The following DPF1 variants were observed in gnomAD, a reference collection of about 807,000 sequenced individuals.
DPF1 encodes the protein zinc finger protein neuro-d4.
A neutral mutation model predicts 58.7 loss-of-function variants in DPF1; 14 were observed. The observed-to-expected ratio is 0.24, with a 90% CI of 0.16 to 0.37. The LOEUF (loss-of-function observed/expected upper bound fraction) is 0.37, where lower values mean the gene tolerates loss of function less well. DPF1 is among the 10% of genes least tolerant of loss of function. The probability of loss-of-function intolerance (pLI) is 1.00; values close to 1 mark genes in which losing one functional copy is unlikely to be tolerated. For missense variants in DPF1, 345 were observed against 529.9 expected (o/e 0.65, Z 3.43); for synonymous variants, 216 against 216.0 (o/e 1.00, Z 0.00).
intron 9 of DPF1, chr19:38,214,106 T>G: frequency 4.7e-6 from 1 of 213,134 alleles, no homozygotes; most frequent in Non-Finnish European, 9.5e-6. Flanking sequence ...CACTTTCCAT[T>G]ACCCACAGCA....
intron 9 of DPF1, chr19:38,214,109 C>T (rs1469759532): frequency 4.6e-6 from 1 of 217,092 alleles, no homozygotes; most frequent in Non-Finnish European, 9.3e-6. Context: ...TTTCCATTAC[C>T]CACAGCAGAA....
At chr19:38,225,324 C>T (rs1182069448), upstream of DPF1, among the ~76,000 whole-genome samples, 1 of 151,894 alleles carries the variant, frequency 6.6e-6, no homozygotes, top group African/African-American at 2.4e-5. Flanking sequence ...CCCAGTACTT[C>T]GGGAGGCCTA....
At position 38,222,678 on chromosome 19, in the gene DPF1, G is replaced by T; in HGVS notation, c.60C>A (p.Ile20=). The change falls in exon 2 of 12, where the codon ATC becomes ATA. Residue 20 remains isoleucine, a synonymous_variant. Coordinates refer to ENST00000355526, the MANE Select transcript of DPF1 (RefSeq NM_001135155.3). This position sits in a 1 kb window ranked among gnomAD's most constrained non-coding sequence, Gnocchi z 4.9. ...SLGEDFYREA[I]EHCRSYNARL... ...GCGCGTTGTAACTGCGGCAGTGCTC[G>T]ATGGCCTCGCGGTAGAAGTCCTCGC... is the stretch of plus-strand genomic sequence containing the variant. 6.2e-7 allele frequency: 1 copy of T among 1,604,660 alleles called. No individual in the cohort carries two copies. The highest frequency in any genetic ancestry group is 8.5e-7 in the Non-Finnish European group (1 of 1,176,524).
At chr19:38,221,038 G>A (rs1411626581) in intron 3 of DPF1, among the ~76,000 whole-genome samples, 1 of 152,056 alleles carries the variant, frequency 6.6e-6, no homozygotes, top group Admixed American at 6.5e-5. Context: ...AGAGACGGCC[G>A]CACCGCCTAA....
intron 3 of DPF1, 75 bp from the exon 4 acceptor site, chr19:38,219,133 G>C: frequency 6.3e-7 from 1 of 1,577,734 alleles, no homozygotes; most frequent in Non-Finnish European, 8.6e-7. Context: ...CAGGTGGGGG[G>C]ACCATGCTCT....
Position 38,211,658 on chromosome 19 carries a change from G to A in DPF1, c.*405C>T, listed in dbSNP as rs1203686967. 6.4e-6 allele frequency: 1 copy of A among 156,282 alleles called. No individual in the cohort carries two copies. Among genetic ancestry groups the A allele is most frequent in the Non-Finnish European group, 1.4e-5 (1 of 71,010 alleles). The allele number at this position is 156,282 out of a possible 1,614,324, so 9.7% of individuals were successfully genotyped here. On this transcript the variant is annotated 3_prime_UTR_variant, in exon 12 of 12. Coordinates refer to ENST00000355526, the MANE Select transcript of DPF1 (RefSeq NM_001135155.3). This position sits in a 1 kb window ranked among gnomAD's most constrained non-coding sequence, Gnocchi z 4.0. ...CAGCAGCGCCCCTCCACCCAGCCAGGCCTTGGAGGACTCTTTGTATATATT... is the reference window on the plus strand; with the variant it reads ...CAGCAGCGCCCCTCCACCCAGCCAGACCTTGGAGGACTCTTTGTATATATT...
upstream of DPF1, among the ~76,000 whole-genome samples, chr19:38,225,387 C>G (rs1967773478): frequency 6.6e-6 from 1 of 152,082 alleles, no homozygotes; most frequent in Non-Finnish European, 1.5e-5. Context: ...GGCAACATAT[C>G]CAGACCCCTG....
intron 5 of DPF1, among the ~76,000 whole-genome samples, 182 bp from the exon 6 acceptor site, chr19:38,218,058 T>C (rs1827143885): frequency 6.6e-6 from 1 of 151,966 alleles, no homozygotes; most frequent in Non-Finnish European, 1.5e-5. Flanking sequence ...AAAAATTAGC[T>C]GGGCATGGTG....
In DPF1 at chr19:38,211,812, G is replaced by A. The variant is rs755632078; in HGVS notation, c.*251C>T. On this transcript the variant is annotated 3_prime_UTR_variant, in exon 12 of 12. Coordinates refer to ENST00000355526, the MANE Select transcript of DPF1 (RefSeq NM_001135155.3). The surrounding 1 kb of genome is among the most constrained non-coding windows in gnomAD (Gnocchi z 4.0). The stretch of plus-strand genomic sequence containing the variant: ...CCGCCCAGAGGCGGGGTATGGCTTT[G>A]AGGGGAGAAGCCCCTGGTGTCCATT... The A allele has an allele frequency of 9.1e-5, 50 of 549,054 alleles. No homozygotes were observed. Among genetic ancestry groups the A allele is most frequent in the East Asian group, 4.1e-4 (13 of 31,728 alleles). The allele number at this position is 549,054 out of a possible 1,614,324, so 34.0% of individuals were successfully genotyped here. A position where few individuals can be genotyped will look rare whatever the true frequency, so the allele number is the denominator to read the frequency against.
At position 38,222,872 on chromosome 19, in the gene DPF1, A is replaced by T. The variant is rs1967611492; in HGVS notation, c.30-164T>A. Reference sequence around the variant, plus strand: ...CCCACTCCGGGACCCAGGCTGGGGGAAGGGGACAGGGCCCAGGGGCCCCCA... The same window carrying T: ...CCCACTCCGGGACCCAGGCTGGGGGTAGGGGACAGGGCCCAGGGGCCCCCA... On this transcript the variant is annotated intron_variant, in intron 1 of 11. Transcript: ENST00000355526. This position sits in a 1 kb window ranked among gnomAD's most constrained non-coding sequence, Gnocchi z 4.9. 1 of 1,082,840 alleles carries T rather than the reference A, an allele frequency of 9.2e-7. No individual in the cohort carries two copies. The allele number at this position is 1,082,840 out of a possible 1,614,324, so 67.1% of individuals were successfully genotyped here.
intron 3 of DPF1, among the ~76,000 whole-genome samples, chr19:38,221,708 G>A (rs1004748168): frequency 6.6e-6 from 1 of 152,010 alleles, no homozygotes; most frequent in Non-Finnish European, 1.5e-5. Flanking sequence ...CCTGCACTTT[G>A]GAGGGCTGAG....
intron 3 of DPF1, among the ~76,000 whole-genome samples, chr19:38,220,264 G>A (rs1378763376): frequency 6.7e-6 from 1 of 148,772 alleles, no homozygotes; most frequent in Non-Finnish European, 1.5e-5. Flanking sequence ...AAGAAAGAAA[G>A]GAAGGAAGGA....
At chr19:38,227,327 C>T (rs1967873930), upstream of DPF1, among the ~76,000 whole-genome samples, 1 of 152,060 alleles carries the variant, frequency 6.6e-6, no homozygotes, top group Non-Finnish European at 1.5e-5. Context: ...ATCTGCCCAC[C>T]CTGCCCTCCC....
chr19:38,225,000 C>T (rs576900938), upstream of DPF1, among the ~76,000 whole-genome samples: 9 of 152,326 alleles, frequency 5.9e-5, no homozygotes, highest in East Asian at 1.5e-3. This position sits in a 1 kb window ranked among gnomAD's most constrained non-coding sequence, Gnocchi z 4.5. Flanking sequence ...CCTGTAATCC[C>T]GGCACTTTGG....
upstream of DPF1, among the ~76,000 whole-genome samples, chr19:38,226,313 C>T (rs1228753738): frequency 2.1e-5 from 3 of 145,146 alleles, no homozygotes; most frequent in Non-Finnish European, 4.5e-5. Context: ...TCCCCTCTTC[C>T]ACCCGGACCC....
intron 6 of DPF1, 32 bp from the exon 7 acceptor site, chr19:38,217,623 A>G: frequency 6.5e-7 from 1 of 1,535,226 alleles, no homozygotes; most frequent in Non-Finnish European, 8.8e-7. Context: ...AGGGCCTGTC[A>G]GCCCCTCCGG....
Position 38,222,957 on chromosome 19 carries a change from A to C in DPF1, c.30-249T>G. 2.0e-6 allele frequency: 1 copy of C among 504,080 alleles called. No individual in the cohort carries two copies. Among genetic ancestry groups the C allele is most frequent in the Non-Finnish European group, 3.5e-6 (1 of 289,574 alleles). The allele number at this position is 504,080 out of a possible 1,614,324, so 31.2% of individuals were successfully genotyped here. ...AGAAACACGATACAGAAACAAACAA[A>C]AACACACCGGGACGTATCCCTACCT... On this transcript the variant is annotated intron_variant, in intron 1 of 11. Transcript: ENST00000355526. The surrounding 1 kb of genome is among the most constrained non-coding windows in gnomAD (Gnocchi z 4.9).
upstream of DPF1, chr19:38,228,779 C>T: frequency 6.6e-6 from 1 of 152,070 alleles, no homozygotes; most frequent in Admixed American, 6.6e-5. Flanking sequence ...AGGCTCGGAC[C>T]CAGGCTTCCG....
At chr19:38,213,957 A>C in intron 9 of DPF1, 1 of 562,400 alleles carries the variant, frequency 1.8e-6, no homozygotes, top group Non-Finnish European at 3.2e-6. Context: ...CTCCTACCAC[A>C]ACCACCATGG....
Sources: allele counts gnomAD v4.1 joint callset (sites outside exome capture counted in the v4.1 genomes callset), GRCh38; gene constraint gnomAD v4.1.1; non-coding constraint Gnocchi (gnomAD v3.1); transcripts MANE v1.5; gene names NCBI Gene and HGNC (gene_info 2026-07-23, HGNC 2026-07-21).